Variants in FBXO11 observed in about 807,000 individuals in gnomAD.
FBXO11 encodes F-box protein 11, also known as F-box only protein 11.
In FBXO11, 13 loss-of-function variants were observed where a neutral mutation model predicts 117.0. That is an observed-to-expected ratio of 0.11 (90% CI 0.07 to 0.18). FBXO11 has a LOEUF of 0.18. Ranked by LOEUF, FBXO11 falls within the 10% of genes least tolerant of loss-of-function variation. The probability of loss-of-function intolerance (pLI) is 1.00; values close to 1 mark genes in which losing one functional copy is unlikely to be tolerated. For synonymous variants in FBXO11, 490 were observed against 380.5 expected (o/e 1.29, Z -3.35); for missense variants, 767 against 1,164.4 (o/e 0.66, Z 4.97).
intron 1 of FBXO11, among the ~76,000 whole-genome samples, chr2:47,848,954 T>C (rs2103625614): frequency 6.6e-6 from 1 of 152,330 alleles, no homozygotes; most frequent in East Asian, 1.9e-4. Context: ...TGGAATTTAA[T>C]TGACAGAAGT....
Position 47,840,168 on chromosome 2 carries a change from C to T in FBXO11, c.233-399G>A, listed in dbSNP as rs187404927. ...TCGTGGTAGCCAGGATGGTCTTGAT[C>T]TCCTGACCTCGTGATCCACTCACCT... On this transcript the variant is annotated intron_variant, in intron 1 of 22. Transcript: ENST00000403359. Among the ~76,000 whole-genome samples, 3 of 152,156 alleles carry T rather than the reference C, an allele frequency of 2.0e-5. No homozygotes were observed. The East Asian group carries it at 5.8e-4, about 30-fold the overall frequency.
rs984832881 is a variant in FBXO11, at chr2:47,905,959, G to A, written c.-239C>T. ...CCGGGAGGGCCTGACGCACGGGGAAGGCCGAAGCCGCCGGGCGGGGCGGCC... is the reference window on the plus strand; with the variant it reads ...CCGGGAGGGCCTGACGCACGGGGAAAGCCGAAGCCGCCGGGCGGGGCGGCC... On this transcript the variant is annotated 5_prime_UTR_variant, in exon 1 of 23. Coordinates refer to ENST00000403359, the MANE Select transcript of FBXO11 (RefSeq NM_001190274.2). 27 of 430,616 alleles carry A rather than the reference G, an allele frequency of 6.3e-5. No homozygotes were observed. The highest frequency in any genetic ancestry group is 1.1e-4 in the Non-Finnish European group (26 of 244,684). 26.7% of individuals were successfully genotyped at this position (430,616 alleles called of 1,614,324 possible).
intron 1 of FBXO11, among the ~76,000 whole-genome samples, chr2:47,864,223 G>A (rs1039564925): frequency 6.6e-6 from 1 of 152,096 alleles, no homozygotes; most frequent in African/African-American, 2.4e-5. Context: ...CATTTATTAA[G>A]TACTCACGGT....
rs141579919 is a variant in FBXO11 at position 47,826,197 on chromosome 2, T to C, written c.1399-2837A>G. Among the ~76,000 whole-genome samples the C allele has an allele frequency of 2.4e-3, 359 of 152,076 alleles. 2 individuals are homozygous for C. Among genetic ancestry groups the C allele is most frequent in the African/African-American group, 8.2e-3 (340 of 41,484 alleles). On this transcript the variant is annotated intron_variant, in intron 11 of 22. Coordinates refer to ENST00000403359, the MANE Select transcript of FBXO11 (RefSeq NM_001190274.2). ...CCTTAGCCTCCCGAGTAGCTGGGAC[T>C]ACAGGTGCCGCCACCATGCCCAGCT...
intron 16 of FBXO11, among the ~76,000 whole-genome samples, chr2:47,817,028 T>C (rs964851258): frequency 6.6e-6 from 1 of 152,246 alleles, no homozygotes; most frequent in African/African-American, 2.4e-5. Context: ...TAGCTATGAA[T>C]GTTCTGGATG....
intron 16 of FBXO11, among the ~76,000 whole-genome samples, chr2:47,816,942 T>C (rs941206358): frequency 1.3e-5 from 2 of 152,188 alleles, no homozygotes; most frequent in Admixed American, 6.5e-5. Flanking sequence ...TGCCTGCAAC[T>C]TAAAGTCATC....
chr2:47,864,455 T>G (rs569174284), intron 1 of FBXO11, among the ~76,000 whole-genome samples: 93 of 152,018 alleles, frequency 6.1e-4, no homozygotes, highest in African/African-American at 2.2e-3. Context: ...GGTGTGGTGG[T>G]GCATGCCTGT....
chr2:47,826,281 T>A (rs898432220), intron 11 of FBXO11, among the ~76,000 whole-genome samples: 3 of 151,828 alleles, frequency 2.0e-5, no homozygotes, highest in Non-Finnish European at 4.4e-5. Flanking sequence ...ATGGTCTCGA[T>A]CTCCTAACCT....
chr2:47,866,513 C>T (rs1250641732), intron 1 of FBXO11, among the ~76,000 whole-genome samples: 10 of 150,206 alleles, frequency 6.7e-5, no homozygotes, highest in African/African-American at 4.9e-5. Context: ...CTTGCTCTGT[C>T]GCCAGGCTGG....
chr2:47,874,546 C>A (rs1301600922), intron 1 of FBXO11, among the ~76,000 whole-genome samples: 3 of 150,940 alleles, frequency 2.0e-5, no homozygotes, highest in African/African-American at 2.4e-5. Flanking sequence ...AAAAAAAAAA[C>A]AATTTTGAGA....
chr2:47,852,285 T>C (rs1005057165), intron 1 of FBXO11, among the ~76,000 whole-genome samples: 1 of 152,148 alleles, frequency 6.6e-6, no homozygotes, highest in African/African-American at 2.4e-5. Flanking sequence ...CCACTGCGTC[T>C]GGCCAGCAAC....
At chr2:47,865,346 C>G (rs1675115783) in intron 1 of FBXO11, among the ~76,000 whole-genome samples, 1 of 152,182 alleles carries the variant, frequency 6.6e-6, no homozygotes, top group Non-Finnish European at 1.5e-5. Flanking sequence ...GGCCAATGGG[C>G]TACAGGTGTC....
intron 1 of FBXO11, among the ~76,000 whole-genome samples, chr2:47,889,927 G>C (rs1247188997): frequency 1.3e-5 from 2 of 152,030 alleles, no homozygotes. Context: ...CAAAACATTT[G>C]TACGTATTTA....
intron 1 of FBXO11, among the ~76,000 whole-genome samples, chr2:47,843,678 T>A (rs74941093): frequency 0.065 from 9,932 of 152,274 alleles, 366 homozygotes; most frequent in African/African-American, 0.086. Context: ...TAGTATTTTT[T>A]AAATCCTTTA....
intron 11 of FBXO11, among the ~76,000 whole-genome samples, chr2:47,824,884 C>T (rs570478844): frequency 2.6e-5 from 4 of 152,114 alleles, no homozygotes; most frequent in Non-Finnish European, 4.4e-5. Context: ...TAAGAAAAAA[C>T]GGAATGTGCT....
At chr2:47,845,448 T>C (rs1414510380) in intron 1 of FBXO11, among the ~76,000 whole-genome samples, 3 of 152,198 alleles carry the variant, frequency 2.0e-5, no homozygotes, top group Non-Finnish European at 4.4e-5. Flanking sequence ...ATTAAATTAC[T>C]ACTGACTGTT....
intron 1 of FBXO11, among the ~76,000 whole-genome samples, chr2:47,865,193 T>A (rs1675103193): frequency 6.6e-6 from 1 of 152,210 alleles, no homozygotes; most frequent in South Asian, 2.1e-4. Flanking sequence ...GAAACTGCTA[T>A]CACCCCAAAT....
At position 47,806,955 on chromosome 2, in the gene FBXO11, CA is replaced by C; in HGVS notation, c.*1162del. On this transcript the variant is annotated 3_prime_UTR_variant, in exon 23 of 23. Coordinates refer to ENST00000403359, the MANE Select transcript of FBXO11 (RefSeq NM_001190274.2). The stretch of plus-strand genomic sequence containing the variant: ...ATAAACTTTATTTTTTAAAAATGAC[CA>C]TTTTTCCATTTTCTTTCTAGGAAAT... The C allele has an allele frequency of 1.1e-6, 1 of 951,236 alleles. No individual in the cohort carries two copies. Among genetic ancestry groups the C allele is most frequent in the East Asian group, 2.6e-5 (1 of 39,190 alleles). 58.9% of individuals were successfully genotyped at this position (951,236 alleles called of 1,614,324 possible).
At chr2:47,845,048 A>T (rs1673300625) in intron 1 of FBXO11, among the ~76,000 whole-genome samples, 1 of 152,170 alleles carries the variant, frequency 6.6e-6, no homozygotes, top group African/African-American at 2.4e-5. Context: ...TACAACACTC[A>T]AAAGTACATT....
Sources: gnomAD v4.1 joint callset for allele counts (sites outside exome capture counted in the v4.1 genomes callset) on GRCh38, gnomAD v4.1.1 for gene constraint, MANE v1.5 for transcripts, NCBI Gene and HGNC (gene_info 2026-07-23, HGNC 2026-07-21) for gene names.